The following CEP120 variants were observed in gnomAD, a reference collection of about 807,000 sequenced individuals.
CEP120 encodes centrosomal protein of 120 kDa.
A neutral mutation model predicts 126.5 loss-of-function variants in CEP120; 113 were observed. That is an observed-to-expected ratio of 0.89 (90% CI 0.77 to 1.04). The LOEUF is 1.04. CEP120 is among the 50% of genes least tolerant of loss of function. The pLI is 0.00. For synonymous variants in CEP120, 400 were observed against 394.3 expected (o/e 1.01, Z -0.17); for missense variants, 1,230 against 1,155.7 (o/e 1.06, Z -0.93).
chr5:123,370,471 CTTTG>C (rs34608237), intron 17 of CEP120, among the ~76,000 whole-genome samples: 24,349 of 151,386 alleles, frequency 0.16, 2,510 homozygotes, highest in Middle Eastern at 0.24. Flanking sequence ...CCTAATGCTA[CTTTG>C]TTTTTGTTTT....
chr5:123,402,886 T>C (rs75809044), intron 4 of CEP120, among the ~76,000 whole-genome samples: 4,752 of 152,288 alleles, frequency 0.031, 247 homozygotes, highest in African/African-American at 0.11. Flanking sequence ...TGAGATCAGG[T>C]GCCCTTATAA....
At chr5:123,350,919 C>T (rs1389709595) in intron 18 of CEP120, among the ~76,000 whole-genome samples, 3 of 152,198 alleles carry the variant, frequency 2.0e-5, no homozygotes, top group Non-Finnish European at 4.4e-5. Flanking sequence ...TTTGCTACTA[C>T]AAACAATGCT....
At chr5:123,406,730 T>C (rs1773704002) in intron 4 of CEP120, among the ~76,000 whole-genome samples, 1 of 151,854 alleles carries the variant, frequency 6.6e-6, no homozygotes. Context: ...TATTAAAAAG[T>C]TCTTCACAGA....
chr5:123,384,836 T>C lies in CEP120; in HGVS notation c.1763+115A>G, dbSNP rs1562044080. 4 of 843,230 alleles carry C rather than the reference T, an allele frequency of 4.7e-6. No individual in the cohort carries two copies. The East Asian group carries it at 8.0e-5, about 17-fold the overall frequency. The allele number at this position is 843,230 out of a possible 1,614,324, so 52.2% of individuals were successfully genotyped here. ...TCAGAAAAAGGAGGTTATGAAAGGG[T>C]GAAGTGGTGGATCAGAAAAAAGAGG... On this transcript the variant is annotated intron_variant, in intron 11 of 19. Coordinates refer to ENST00000306467, the MANE Select transcript of CEP120 (RefSeq NM_001375405.1).
At chr5:123,404,123 T>C (rs997212291) in intron 4 of CEP120, among the ~76,000 whole-genome samples, 3 of 151,882 alleles carry the variant, frequency 2.0e-5, no homozygotes, top group Non-Finnish European at 2.9e-5. Context: ...GTGCATTAGG[T>C]AGTAAATTCC....
At chr5:123,369,186 A>G (rs1770681550) in intron 17 of CEP120, among the ~76,000 whole-genome samples, 1 of 152,014 alleles carries the variant, frequency 6.6e-6, no homozygotes, top group Non-Finnish European at 1.5e-5. Context: ...CTCCTACTTA[A>G]AACCTTTCAA....
intron 4 of CEP120, chr5:123,401,384 T>C: frequency 2.0e-6 from 3 of 1,502,564 alleles, no homozygotes. Context: ...GCCCTCATTC[T>C]CAGCCTGGAG....
At position 123,351,614 on chromosome 5, in the gene CEP120, A is replaced by G. The variant is rs558311149; in HGVS notation, c.2581-1525T>C. Among the ~76,000 whole-genome samples, 4 of 152,258 alleles carry G rather than the reference A, an allele frequency of 2.6e-5. No homozygotes were observed. The South Asian group carries it at 6.2e-4, about 24-fold the overall frequency. ...TCCTTTATCTGAAATGCTTGGGGCC[A>G]TAAGTGTTTTGATTTTGAAATATTT... On this transcript the variant is annotated intron_variant, in intron 18 of 19. Coordinates refer to ENST00000306467, the MANE Select transcript of CEP120 (RefSeq NM_001375405.1).
intron 11 of CEP120, 52 bp downstream of exon 11, chr5:123,384,899 C>T (rs1206560422): frequency 6.8e-7 from 1 of 1,468,840 alleles, no homozygotes; most frequent in African/African-American, 1.4e-5. Context: ...TAATCAAAAT[C>T]ATTCCATGAA....
chr5:123,372,660 G>C lies in CEP120; in HGVS notation c.2471C>G (p.Thr824Ser), dbSNP rs776713978. The change falls in exon 17 of 20, where the codon ACC becomes AGC. Residue 824 changes from threonine to serine, a missense_variant. By Grantham distance (58) the Thr-to-Ser change is moderately conservative. Coordinates refer to ENST00000306467, the MANE Select transcript of CEP120 (RefSeq NM_001375405.1). ...IRLQSEINLL[T>S]LEKVELERKL... ...AATTAACATGTGTACCTTTTCCAAG[G>C]TGAGAAGATTTATTTCAGACTGTAG... The C allele has an allele frequency of 1.2e-6, 2 of 1,612,098 alleles. No individual in the cohort carries two copies. Among genetic ancestry groups the C allele is most frequent in the South Asian group, 2.2e-5 (2 of 90,958 alleles).
chr5:123,364,129 T>A (rs540551032), intron 18 of CEP120, among the ~76,000 whole-genome samples: 1 of 151,664 alleles, frequency 6.6e-6, no homozygotes, highest in East Asian at 1.9e-4. Flanking sequence ...TAAAATATAT[T>A]CTTAAACTTG....
At chr5:123,415,928 T>G (rs1049292489) in intron 3 of CEP120, 82 bp downstream of exon 3, 7 of 906,526 alleles carry the variant, frequency 7.7e-6, no homozygotes, top group Admixed American at 2.1e-5. Context: ...TAGTATTTCA[T>G]GTCCTTTTCA....
intron 4 of CEP120, chr5:123,403,297 A>G (rs1733334589): frequency 2.2e-6 from 1 of 456,130 alleles, no homozygotes; most frequent in South Asian, 1.5e-5. Flanking sequence ...CTGAATCCAG[A>G]GCTGAGACAG....
chr5:123,372,689 G>GA lies in CEP120; in HGVS notation c.2441dup (p.Arg815ProfsTer5). 1 of 1,611,954 alleles carries GA rather than the reference G, an allele frequency of 6.2e-7. No homozygotes were observed. The highest frequency in any genetic ancestry group is 8.5e-7 in the Non-Finnish European group (1 of 1,178,998). ...GAAGATTTATTTCAGACTGTAGACG[G>GA]ATTTCTGGTTTGTTGTTTTGCTGGT... On this transcript the variant is annotated frameshift_variant, in exon 17 of 20. Coordinates refer to ENST00000306467, the MANE Select transcript of CEP120 (RefSeq NM_001375405.1). LOFTEE classifies it high-confidence loss of function.
chr5:123,348,114 T>C (rs1768963363), intron 19 of CEP120, among the ~76,000 whole-genome samples: 2 of 152,296 alleles, frequency 1.3e-5, no homozygotes, highest in South Asian at 4.1e-4. Flanking sequence ...GCCACGTAAG[T>C]TCTCCTAGGC....
At position 123,346,590 on chromosome 5, in the gene CEP120, C is replaced by T. The variant is rs149191240; in HGVS notation, c.2890G>A (p.Glu964Lys). The T allele has an allele frequency of 2.5e-6, 4 of 1,613,956 alleles. No homozygotes were observed. Among genetic ancestry groups the T allele is most frequent in the Non-Finnish European group, 2.5e-6 (3 of 1,179,946 alleles). Residue 964 changes from glutamate (E) to lysine (K), a missense_variant, in exon 20 of 20, where the codon GAG becomes AAG. Coordinates refer to ENST00000306467, the MANE Select transcript of CEP120 (RefSeq NM_001375405.1). ...TCGAGTTCACTTATTATTCGATCCT[C>T]GTGATTATACACACCCGTTCTCATC... is the stretch of plus-strand genomic sequence containing the variant. ...TLMRTGVYNH[E>K]DRIISELDRQ...
chr5:123,377,655 C>A (rs923751378), intron 15 of CEP120, 120 bp from the exon 16 acceptor site: 15 of 782,784 alleles, frequency 1.9e-5, no homozygotes, highest in Admixed American at 1.2e-4. Flanking sequence ...ATTTTCATAT[C>A]TTTTTTAGTT....
In CEP120 at chr5:123,382,873, T is replaced by G; in HGVS notation, c.1877A>C (p.Gln626Pro). ...TGGAGGAAGAGAAGACGGCTTTTGC[T>G]GTACGGCAGATACACCCTAAGAGAT... The part of the protein sequence containing the change: ...SDSSQGVSAV[Q>P]QKPSSLPPAP... Residue 626 changes from glutamine (Q) to proline (P), a missense_variant, in exon 13 of 20, where the codon CAG (glutamine) becomes CCG (proline). Coordinates refer to ENST00000306467, the MANE Select transcript of CEP120 (RefSeq NM_001375405.1). 1.2e-6 allele frequency: 2 copies of G among 1,613,388 alleles called. No individual in the cohort carries two copies. Among genetic ancestry groups the G allele is most frequent in the South Asian group, 2.2e-5 (2 of 91,020 alleles).
chr5:123,364,701 G>A, intron 17 of CEP120, 107 bp from the exon 18 acceptor site: 1 of 464,704 alleles, frequency 2.2e-6, no homozygotes, highest in Non-Finnish European at 3.8e-6. Context: ...TTTATACAGT[G>A]TAACATACGA....
Sources: gnomAD v4.1 joint callset for allele counts (sites outside exome capture counted in the v4.1 genomes callset) on GRCh38, gnomAD v4.1.1 for gene constraint, MANE v1.5 for transcripts, NCBI Gene and HGNC (gene_info 2026-07-23, HGNC 2026-07-21) for gene names.